Variants in DIAPH3 observed in about 807,000 individuals in gnomAD.
The protein encoded by DIAPH3 is protein diaphanous homolog 3.
Under a neutral mutation model 144.3 loss-of-function variants are expected in DIAPH3, and 117 were observed. That is an observed-to-expected ratio of 0.81 (90% CI 0.70 to 0.95). The LOEUF (loss-of-function observed/expected upper bound fraction) is 0.95, where lower values mean the gene tolerates loss of function less well. Ranked by LOEUF, DIAPH3 falls within the 40% of genes least tolerant of loss-of-function variation. DIAPH3 has a pLI of 0.00. For missense variants in DIAPH3, 1,421 were observed against 1,412.7 expected (o/e 1.01, Z -0.09); for synonymous variants, 519 against 488.9 (o/e 1.06, Z -0.81).
At chr13:59,715,600 G>C (rs2035006016) in intron 27 of DIAPH3, among the ~76,000 whole-genome samples, 1 of 151,478 alleles carries the variant, frequency 6.6e-6, no homozygotes, top group Non-Finnish European at 1.5e-5. Context: ...CCATTATAAT[G>C]TTCTTTAGAG....
At chr13:59,733,341 A>T (rs1445369413) in intron 27 of DIAPH3, among the ~76,000 whole-genome samples, 1 of 152,186 alleles carries the variant, frequency 6.6e-6, no homozygotes, top group Non-Finnish European at 1.5e-5. Flanking sequence ...CAAAGCCAGA[A>T]CTTAATTTCC....
intron 27 of DIAPH3, among the ~76,000 whole-genome samples, chr13:59,746,110 T>C (rs1261852637): frequency 6.6e-6 from 1 of 152,204 alleles, no homozygotes; most frequent in African/African-American, 2.4e-5. Context: ...TTTAGCATGA[T>C]TTTATTGTAT....
chr13:59,987,190 T>C (rs1269528570), intron 12 of DIAPH3, among the ~76,000 whole-genome samples: 3 of 151,646 alleles, frequency 2.0e-5, no homozygotes, highest in South Asian at 2.1e-4. Context: ...ATGGATGAAA[T>C]TGGAAATCAT....
At chr13:60,034,807 A>T (rs564381520) in intron 5 of DIAPH3, 1 of 152,330 alleles carries the variant, frequency 6.6e-6, no homozygotes, top group South Asian at 2.1e-4. Flanking sequence ...GTTATACTTA[A>T]GTATCAGTAA....
chr13:59,681,048 G>A (rs1050276923), intron 27 of DIAPH3, among the ~76,000 whole-genome samples: 1 of 151,788 alleles, frequency 6.6e-6, no homozygotes, highest in Non-Finnish European at 1.5e-5. Flanking sequence ...TTTTTCTCCT[G>A]GTATATACAA....
At chr13:60,141,992 A>G (rs1194676796) in intron 1 of DIAPH3, among the ~76,000 whole-genome samples, 3 of 152,152 alleles carry the variant, frequency 2.0e-5, no homozygotes, top group Non-Finnish European at 4.4e-5. Context: ...CAGCCATAAC[A>G]AGGCTGTCAG....
At chr13:59,668,937 G>A (rs867607504) in intron 27 of DIAPH3, among the ~76,000 whole-genome samples, 4 of 151,762 alleles carry the variant, frequency 2.6e-5, no homozygotes, top group African/African-American at 9.7e-5. Flanking sequence ...ACCACCCTCA[G>A]CATATAGATT....
chr13:60,090,618 C>G (rs894432256), intron 4 of DIAPH3, among the ~76,000 whole-genome samples: 2 of 152,056 alleles, frequency 1.3e-5, no homozygotes, highest in African/African-American at 4.8e-5. Context: ...TATCCATAAA[C>G]TTTGATTCTG....
chr13:59,960,132 A>G (rs1043596173), intron 17 of DIAPH3, among the ~76,000 whole-genome samples: 3 of 152,234 alleles, frequency 2.0e-5, no homozygotes, highest in African/African-American at 2.4e-5. Context: ...TTGGGGGGCT[A>G]TAAGTCATAT....
intron 4 of DIAPH3, among the ~76,000 whole-genome samples, chr13:60,052,731 C>T (rs575311438): frequency 3.3e-5 from 5 of 151,606 alleles, no homozygotes; most frequent in Non-Finnish European, 5.9e-5. Context: ...AGAGCAAAGG[C>T]GGGCGGATCA....
chr13:60,024,055 A>G (rs189570644), intron 5 of DIAPH3, among the ~76,000 whole-genome samples: 261 of 151,046 alleles, frequency 1.7e-3, no homozygotes, highest in African/African-American at 5.9e-3. Flanking sequence ...GGGTTTCACC[A>G]TGTTGGCCAG....
At chr13:60,083,767 G>T (rs778495611) in intron 4 of DIAPH3, among the ~76,000 whole-genome samples, 1 of 152,116 alleles carries the variant, frequency 6.6e-6, no homozygotes, top group African/African-American at 2.4e-5. Context: ...GACCAAGCAC[G>T]GTGGTGCATG....
intron 25 of DIAPH3, 43 bp downstream of exon 25, chr13:59,810,745 C>A: frequency 6.3e-7 from 1 of 1,597,330 alleles, no homozygotes; most frequent in Non-Finnish European, 8.5e-7. Context: ...CCATATAAAT[C>A]TTAAGTATAC....
intron 17 of DIAPH3, among the ~76,000 whole-genome samples, chr13:59,945,681 G>A (rs2140409032): frequency 1.3e-5 from 2 of 150,962 alleles, no homozygotes; most frequent in Middle Eastern, 3.5e-3. Context: ...AGGAATCACA[G>A]AGCTCTGAGA....
At chr13:59,948,138 T>C (rs1014656066) in intron 17 of DIAPH3, among the ~76,000 whole-genome samples, 1 of 152,134 alleles carries the variant, frequency 6.6e-6, no homozygotes, top group Non-Finnish European at 1.5e-5. Context: ...TGAAAATTCA[T>C]CCCAAGTCAA....
rs1407401990 is a variant in DIAPH3 at position 59,665,647 on chromosome 13, T to C, written c.*937A>G. 1 of 152,658 alleles carries C rather than the reference T, an allele frequency of 6.6e-6. No individual in the cohort carries two copies. The highest frequency in any genetic ancestry group is 2.4e-5 in the African/African-American group (1 of 41,468). The allele number at this position is 152,658 out of a possible 1,614,324, so 9.5% of individuals were successfully genotyped here. On this transcript the variant is annotated 3_prime_UTR_variant, in exon 28 of 28. Transcript: ENST00000400324. ...TGATATAGAATTAACAGAGTAATGA[T>C]GCCCAAATGAGGTAATATTACATTT...
intron 1 of DIAPH3, among the ~76,000 whole-genome samples, chr13:60,158,852 C>T (rs924817516): frequency 6.9e-6 from 1 of 143,908 alleles, no homozygotes. Flanking sequence ...TCAGAAGTTA[C>T]ACCACAGCAC....
intron 27 of DIAPH3, among the ~76,000 whole-genome samples, chr13:59,700,610 T>C (rs2034054806): frequency 6.6e-6 from 1 of 152,128 alleles, no homozygotes. Flanking sequence ...AGTCAAAGTA[T>C]CTCCTCCATG....
chr13:60,160,618 C>A (rs1420956645), intron 1 of DIAPH3, among the ~76,000 whole-genome samples: 1 of 152,338 alleles, frequency 6.6e-6, no homozygotes, highest in South Asian at 2.1e-4. Flanking sequence ...TGGCCTAGGG[C>A]AGGTTCCAAG....
Sources: gnomAD v4.1 joint callset for allele counts (sites outside exome capture counted in the v4.1 genomes callset) on GRCh38, gnomAD v4.1.1 for gene constraint, MANE v1.5 for transcripts, NCBI Gene and HGNC (gene_info 2026-07-23, HGNC 2026-07-21) for gene names.